PTPRT: variants seen among roughly 807,000 people sequenced by gnomAD.
PTPRT encodes the protein receptor-type tyrosine-protein phosphatase T.
PTPRT carries 56 observed loss-of-function variants against 176.8 expected under a neutral mutation model. The ratio of observed to expected loss-of-function variants is 0.32; its 90% CI spans 0.26 to 0.40. The LOEUF (loss-of-function observed/expected upper bound fraction) is 0.40. PTPRT is among the 10% of genes least tolerant of loss of function. The probability of loss-of-function intolerance (pLI) is 1.00; values close to 1 mark genes in which losing one functional copy is unlikely to be tolerated. For synonymous variants in PTPRT, 783 were observed against 739.0 expected (o/e 1.06, Z -0.96); for missense variants, 1,540 against 1,908.2 (o/e 0.81, Z 3.60).
intron 2 of PTPRT, among the ~76,000 whole-genome samples, chr20:42,807,230 T>C (rs6103046): frequency 0.023 from 3,517 of 152,320 alleles, 130 homozygotes; most frequent in African/African-American, 0.076. Flanking sequence ...ATCTTCCTTT[T>C]GTTAGTGGCA....
chr20:42,276,545 ATATATATAT>A (rs2057040006), intron 13 of PTPRT, among the ~76,000 whole-genome samples: 1 of 63,384 alleles, frequency 1.6e-5, no homozygotes, highest in African/African-American at 6.7e-5. Flanking sequence ...ATATATATAT[ATATATATAT>A]ATATAATGTT....
chr20:42,963,647 C>G (rs754724055), intron 1 of PTPRT, among the ~76,000 whole-genome samples: 1 of 151,718 alleles, frequency 6.6e-6, no homozygotes, highest in Non-Finnish European at 1.5e-5. Flanking sequence ...ATTAGAAACA[C>G]GAATAAAAAT....
At chr20:43,028,686 C>T (rs1018189705) in intron 1 of PTPRT, among the ~76,000 whole-genome samples, 35 of 152,164 alleles carry the variant, frequency 2.3e-4, no homozygotes, top group African/African-American at 4.8e-5. Flanking sequence ...TTGTCCTGGG[C>T]ATCCGATAGC....
the PTPRT span, among the ~76,000 whole-genome samples, chr20:42,049,389 T>A: frequency 6.6e-6 from 1 of 152,244 alleles, no homozygotes; most frequent in Admixed American, 6.5e-5. Flanking sequence ...AGGAAAGTGC[T>A]ACATGGGCTC....
At chr20:42,094,658 G>C (rs1600492212) in intron 27 of PTPRT, among the ~76,000 whole-genome samples, 1 of 152,282 alleles carries the variant, frequency 6.6e-6, no homozygotes, top group East Asian at 1.9e-4. Flanking sequence ...GGGAGGCCAA[G>C]ATCAGCAGAT....
At chr20:42,855,501 G>A (rs534696762) in intron 2 of PTPRT, among the ~76,000 whole-genome samples, 8 of 138,326 alleles carry the variant, frequency 5.8e-5, no homozygotes, top group Admixed American at 1.5e-4. Flanking sequence ...GTACAATCTC[G>A]GCTCACTGCA....
intron 1 of PTPRT, among the ~76,000 whole-genome samples, chr20:43,123,382 C>A (rs1375088536): frequency 6.6e-6 from 1 of 152,172 alleles, no homozygotes; most frequent in Non-Finnish European, 1.5e-5. Flanking sequence ...GTCATCTCCT[C>A]GAATCTACTC....
intron 2 of PTPRT, among the ~76,000 whole-genome samples, chr20:42,811,468 CT>C (rs1464672141): frequency 2.6e-5 from 4 of 152,044 alleles, no homozygotes; most frequent in African/African-American, 9.7e-5. Context: ...GAAAACTAGC[CT>C]TTCAAATACT....
intron 12 of PTPRT, among the ~76,000 whole-genome samples, chr20:42,287,213 G>C (rs1348374300): frequency 1.3e-5 from 2 of 151,912 alleles, no homozygotes; most frequent in Non-Finnish European, 2.9e-5. Flanking sequence ...ACTATTATAT[G>C]ATCCAGCAAT....
intron 6 of PTPRT, among the ~76,000 whole-genome samples, chr20:42,709,273 T>C (rs1255507282): frequency 6.6e-6 from 1 of 152,190 alleles, no homozygotes; most frequent in African/African-American, 2.4e-5. Flanking sequence ...CAGAATCTCA[T>C]GTTGAAATGT....
At chr20:43,032,782 C>A (rs1348246357) in intron 1 of PTPRT, among the ~76,000 whole-genome samples, 1 of 152,120 alleles carries the variant, frequency 6.6e-6, no homozygotes, top group African/African-American at 2.4e-5. Context: ...CCTACATTAG[C>A]CTGCCCGTAA....
intron 2 of PTPRT, among the ~76,000 whole-genome samples, chr20:42,796,321 T>A (rs2077453209): frequency 6.6e-6 from 1 of 152,154 alleles, no homozygotes; most frequent in Non-Finnish European, 1.5e-5. Context: ...TATTGAACAG[T>A]GCTGGTGTAG....
intron 15 of PTPRT, among the ~76,000 whole-genome samples, chr20:42,201,739 A>T (rs939064358): frequency 6.6e-6 from 1 of 151,474 alleles, no homozygotes; most frequent in African/African-American, 2.4e-5. Context: ...GCAAAAAAAA[A>T]AAAAAAAAAA....
At chr20:43,082,129 G>A (rs909547006) in intron 1 of PTPRT, among the ~76,000 whole-genome samples, 1 of 152,012 alleles carries the variant, frequency 6.6e-6, no homozygotes, top group Non-Finnish European at 1.5e-5. Flanking sequence ...TTTTCAACCT[G>A]TGTCTTTGTT....
chr20:42,314,380 T>A (rs915888770), intron 12 of PTPRT, among the ~76,000 whole-genome samples: 4 of 151,546 alleles, frequency 2.6e-5, no homozygotes, highest in East Asian at 1.9e-4. Flanking sequence ...TACAAAAAAA[T>A]TAGCTGGGTG....
At chr20:42,155,410 G>A (rs1016687341) in intron 17 of PTPRT, among the ~76,000 whole-genome samples, 11 of 152,166 alleles carry the variant, frequency 7.2e-5, no homozygotes, top group Middle Eastern at 3.2e-3. Context: ...GGTCCCATGC[G>A]ACCATCAGTG....
intron 1 of PTPRT, among the ~76,000 whole-genome samples, chr20:42,986,535 A>G (rs1367683279): frequency 1.3e-5 from 2 of 152,142 alleles, no homozygotes; most frequent in Non-Finnish European, 2.9e-5. Flanking sequence ...TTCTGAATGG[A>G]GCTTTGTCTA....
chr20:42,298,047 C>G (rs2057413499), intron 12 of PTPRT, among the ~76,000 whole-genome samples: 1 of 151,776 alleles, frequency 6.6e-6, no homozygotes, highest in South Asian at 2.1e-4. Context: ...TTTGCTGTGG[C>G]AAAAATATAA....
chr20:42,852,910 T>C (rs11906279), intron 2 of PTPRT, among the ~76,000 whole-genome samples: 6,905 of 152,158 alleles, frequency 0.045, 440 homozygotes, highest in African/African-American at 0.14. Context: ...ATATGACAAA[T>C]GCAGGTTCCA....
Sources: allele counts gnomAD v4.1 joint callset (sites outside exome capture counted in the v4.1 genomes callset), GRCh38; gene constraint gnomAD v4.1.1; transcripts MANE v1.5; gene names NCBI Gene and HGNC (gene_info 2026-07-23, HGNC 2026-07-21).